NPIPB8: variants seen among roughly 807,000 people sequenced by gnomAD.
NPIPB8 encodes the protein nuclear pore complex-interacting protein family member B8.
A neutral mutation model predicts 5.3 loss-of-function variants in NPIPB8; 3 were observed. That is an observed-to-expected ratio of 0.57 (90% CI 0.26 to 1.47). The LOEUF (loss-of-function observed/expected upper bound fraction) is 1.47, where lower values mean the gene tolerates loss of function less well. Ranked by LOEUF, NPIPB8 falls within the 40% of genes most tolerant of loss-of-function variation. NPIPB8 has a pLI of 0.13. For missense variants in NPIPB8, 50 were observed against 50.2 expected, an observed-to-expected ratio of 1.00 and a Z score of 0.01; for synonymous variants, 18 against 23.0, an observed-to-expected ratio of 0.78 and a Z score of 0.62.
At chr16:28,640,446 T>A (rs1314101393) in intron 2 of NPIPB8, among the ~76,000 whole-genome samples, 1 of 152,126 alleles carries the variant, frequency 6.6e-6, no homozygotes, top group Non-Finnish European at 1.5e-5. Flanking sequence ...CCAGTCTCAA[T>A]GGCTCCCAAC....
Position 28,638,387 on chromosome 16 carries a change from C to A in NPIPB8, c.27C>A (p.Thr9=). The A allele has an allele frequency of 6.4e-7, 1 of 1,568,410 alleles. No individual in the cohort carries two copies. The highest frequency in any genetic ancestry group is 8.6e-7 in the Non-Finnish European group (1 of 1,164,434). MVKLSIVL[T]PQFLSHDQGQ... is the part of the protein sequence containing the mutation. ...TGGTGAAGCTCTCTATTGTCCTGAC[C>A]CCACAGTTCCTGTCCCATGACCAGG... Residue 9 remains threonine, a synonymous_variant, in exon 2 of 8, where the codon ACC becomes ACA. Transcript: ENST00000683297.
intron 2 of NPIPB8, 94 bp downstream of exon 2, chr16:28,638,574 G>A: frequency 2.1e-6 from 3 of 1,420,156 alleles, no homozygotes; most frequent in Non-Finnish European, 2.8e-6. Flanking sequence ...GCTGGGGGAA[G>A]CTTACGCAGT....
At chr16:28,641,647 G>C (rs966860153) in intron 2 of NPIPB8, among the ~76,000 whole-genome samples, 7 of 134,246 alleles carry the variant, frequency 5.2e-5, no homozygotes, top group Non-Finnish European at 9.9e-5. Flanking sequence ...GCTCTGGAAC[G>C]AAAGATGCCC....
upstream of NPIPB8, chr16:28,637,901 T>G: frequency 2.6e-6 from 1 of 380,484 alleles, no homozygotes; most frequent in South Asian, 4.0e-5. Context: ...TGTGATTAAA[T>G]AGGGTTATAA....
At chr16:28,653,095 C>G (rs1350685870) in intron 5 of NPIPB8, among the ~76,000 whole-genome samples, 2 of 96,540 alleles carry the variant, frequency 2.1e-5, no homozygotes, top group Non-Finnish European at 2.2e-5. Context: ...TTTTTTGAGA[C>G]AGAGTCTCAC....
intron 2 of NPIPB8, among the ~76,000 whole-genome samples, chr16:28,641,145 C>T (rs1270869526): frequency 1.3e-5 from 2 of 151,872 alleles, no homozygotes; most frequent in African/African-American, 4.8e-5. Context: ...CTCTTTGTTC[C>T]AATGGCCCTG....
intron 5 of NPIPB8, among the ~76,000 whole-genome samples, chr16:28,653,148 C>A (rs1596689488): frequency 8.8e-6 from 1 of 113,354 alleles, no homozygotes; most frequent in Admixed American, 9.0e-5. Flanking sequence ...TCTTGGCTCA[C>A]TGCAACCTCC....
chr16:28,643,139 C>A (rs1246153867), intron 2 of NPIPB8, among the ~76,000 whole-genome samples: 2 of 150,484 alleles, frequency 1.3e-5, no homozygotes, highest in South Asian at 4.2e-4. Flanking sequence ...GTATTGTGGG[C>A]AAATACCTTA....
chr16:28,641,597 C>A (rs1229624073), intron 2 of NPIPB8, among the ~76,000 whole-genome samples: 3 of 138,766 alleles, frequency 2.2e-5, no homozygotes, highest in African/African-American at 5.2e-5. Context: ...CTGTTACCAT[C>A]ATCACTGCCT....
chr16:28,644,754 G>C (rs1186424875), intron 2 of NPIPB8: 64 of 633,198 alleles, frequency 1.0e-4, no homozygotes, highest in Admixed American at 1.8e-4. Context: ...CAGCACTTTA[G>C]GGGGCCGAGG....
At chr16:28,641,420 G>A (rs1352782903) in intron 2 of NPIPB8, among the ~76,000 whole-genome samples, 1 of 144,398 alleles carries the variant, frequency 6.9e-6, no homozygotes. Flanking sequence ...GGATAACTCA[G>A]CATCCCAGCC....
At chr16:28,639,832 T>C (rs1171804120) in intron 2 of NPIPB8, among the ~76,000 whole-genome samples, 1 of 150,564 alleles carries the variant, frequency 6.6e-6, no homozygotes, top group Non-Finnish European at 1.5e-5. Context: ...TTACCCTGTT[T>C]AAAAATAAAG....
intron 2 of NPIPB8, among the ~76,000 whole-genome samples, chr16:28,645,261 C>T (rs1430875097): frequency 9.2e-6 from 1 of 108,174 alleles, no homozygotes; most frequent in Non-Finnish European, 2.0e-5. Flanking sequence ...CATCTCTTGA[C>T]CTCGTGATCC....
intron 2 of NPIPB8, among the ~76,000 whole-genome samples, chr16:28,642,007 T>C (rs539781799): frequency 4.0e-5 from 6 of 150,608 alleles, no homozygotes; most frequent in African/African-American, 1.5e-4. Context: ...TTCATGGACA[T>C]TATAGTACTC....
At chr16:28,637,957 C>T (rs1046478256), upstream of NPIPB8, 2 of 765,204 alleles carry the variant, frequency 2.6e-6, no homozygotes, top group African/African-American at 1.9e-5. Context: ...TTAGACTTAA[C>T]ATTTTCTTTT....
chr16:28,652,901 CTTTTT>C (rs1197252358), intron 5 of NPIPB8, among the ~76,000 whole-genome samples: 1 of 90,922 alleles, frequency 1.1e-5, no homozygotes, highest in South Asian at 3.7e-4. Flanking sequence ...CACACCCAGG[CTTTTT>C]TTTTTTTTTT....
intron 5 of NPIPB8, among the ~76,000 whole-genome samples, chr16:28,652,647 G>T (rs1411525511): frequency 9.8e-6 from 1 of 101,822 alleles, no homozygotes; most frequent in African/African-American, 4.3e-5. Flanking sequence ...CTTTGCTGTT[G>T]TTGCCCAGGC....
intron 2 of NPIPB8, among the ~76,000 whole-genome samples, chr16:28,644,350 T>TCTC (rs1231829316): frequency 1.8e-5 from 2 of 113,096 alleles, no homozygotes; most frequent in Non-Finnish European, 3.6e-5. Flanking sequence ...CCTTTCTTCT[T>TCTC]CTCCTCCTCC....
At position 28,638,393 on chromosome 16, in the gene NPIPB8, G is replaced by C. The variant is rs1257797551; in HGVS notation, c.33G>C (p.Gln11His). The change falls in exon 2 of 8, where the codon CAG becomes CAC. Residue 11 changes from glutamine to histidine, a missense_variant. Coordinates refer to ENST00000683297, the MANE Select transcript of NPIPB8 (RefSeq NM_001310136.2). MVKLSIVLTP[Q>H]FLSHDQGQLT... Reference sequence around the variant, plus strand: ...AGCTCTCTATTGTCCTGACCCCACAGTTCCTGTCCCATGACCAGGGCCAGC... The same window carrying C: ...AGCTCTCTATTGTCCTGACCCCACACTTCCTGTCCCATGACCAGGGCCAGC... The C allele has an allele frequency of 6.4e-7, 1 of 1,570,694 alleles. No individual in the cohort carries two copies. The highest frequency in any genetic ancestry group is 1.8e-5 in the Admixed American group (1 of 55,280).
Sources: gnomAD v4.1 joint callset for allele counts (sites outside exome capture counted in the v4.1 genomes callset) on GRCh38, gnomAD v4.1.1 for gene constraint, MANE v1.5 for transcripts, NCBI Gene and HGNC (gene_info 2026-07-23, HGNC 2026-07-21) for gene names.